Variants in FRMD5 observed in about 807,000 individuals in gnomAD.
FRMD5 encodes the protein FERM domain containing 5, also known as FERM domain-containing protein 5.
Under a neutral mutation model 69.0 loss-of-function variants are expected in FRMD5, and 20 were observed. That is an observed-to-expected ratio of 0.29 (90% CI 0.20 to 0.42). The LOEUF (loss-of-function observed/expected upper bound fraction) is 0.42, where lower values mean the gene tolerates loss of function less well. Among genes scored for constraint, FRMD5 ranks in the 10% least tolerant of loss-of-function variants. FRMD5 has a pLI of 1.00. For synonymous variants in FRMD5, 271 were observed against 260.1 expected (o/e 1.04, Z -0.40); for missense variants, 595 against 708.6 (o/e 0.84, Z 1.82).
At chr15:43,953,733 A>T (rs2929282) in intron 1 of FRMD5, among the ~76,000 whole-genome samples, 19,458 of 152,170 alleles carry the variant, frequency 0.13, 2,373 homozygotes, top group African/African-American at 0.32. Context: ...TCCACAAGGT[A>T]CTTGTCATCT....
chr15:43,986,923 A>G (rs563213603), intron 1 of FRMD5, among the ~76,000 whole-genome samples: 2 of 152,124 alleles, frequency 1.3e-5, no homozygotes, highest in Admixed American at 6.5e-5. Flanking sequence ...TTCTTGCAAT[A>G]TTTCAAACTT....
At chr15:43,883,675 G>A (rs371513543) in intron 13 of FRMD5, 28 bp downstream of exon 13, 176 of 1,524,700 alleles carry the variant, frequency 1.2e-4, no homozygotes, top group Non-Finnish European at 1.5e-4. Flanking sequence ...GAGGACCCCA[G>A]TGGTCACCTC....
intron 1 of FRMD5, among the ~76,000 whole-genome samples, chr15:43,972,491 C>T (rs1457303646): frequency 6.6e-6 from 1 of 151,938 alleles, no homozygotes. Flanking sequence ...GATAAGAAAA[C>T]CTTTCTATAT....
At chr15:43,950,076 G>T (rs116163927) in intron 1 of FRMD5, among the ~76,000 whole-genome samples, 6 of 152,334 alleles carry the variant, frequency 3.9e-5, no homozygotes, top group African/African-American at 1.4e-4. Flanking sequence ...GCTAGAGGTT[G>T]TCCTACACTG....
chr15:44,171,058 C>T (rs1426411211), intron 1 of FRMD5, among the ~76,000 whole-genome samples: 2 of 151,928 alleles, frequency 1.3e-5, no homozygotes, highest in Non-Finnish European at 2.9e-5. Context: ...TCTAAAATAT[C>T]CATAGCTTGG....
intron 1 of FRMD5, among the ~76,000 whole-genome samples, chr15:44,153,982 G>C (rs1001317877): frequency 9.9e-5 from 15 of 151,956 alleles, no homozygotes; most frequent in African/African-American, 2.4e-5. Context: ...AAATGGCTAA[G>C]ATGGTAAATT....
rs185236595 is a variant in FRMD5 at position 44,030,432 on chromosome 15, T to C, written c.103-106123A>G. ...ATAATGTACAACTGAAAATACTTAG[T>C]GTTACTGACAAGATTTATAATTCAG... On this transcript the variant is annotated intron_variant, in intron 1 of 13. Transcript: ENST00000417257. Among the ~76,000 whole-genome samples the C allele has an allele frequency of 3.4e-3, 519 of 152,266 alleles. 1 individual carries two copies. Among genetic ancestry groups the C allele is most frequent in the African/African-American group, 0.01 (435 of 41,524 alleles).
chr15:44,195,038 A>T lies in FRMD5; in HGVS notation c.17T>A (p.Met6Lys). 6.5e-7 allele frequency: 1 copy of T among 1,549,702 alleles called. No homozygotes were observed. Among genetic ancestry groups the T allele is most frequent in the East Asian group, 2.5e-5 (1 of 40,812 alleles). Residue 6 changes from methionine (M) to lysine (K), a missense_variant, in exon 1 of 14, where the codon ATG (methionine) becomes AAG (lysine). Transcript: ENST00000417257. MLSRL[M>K]SGSSRSLERE... The stretch of plus-strand genomic sequence containing the variant: ...CTCCAGGCTCCTGCTGCTGCCGCTC[A>T]TCAACCTGCTCAGCATCTTCCCGCC...
chr15:43,971,349 C>T (rs927450742), intron 1 of FRMD5, among the ~76,000 whole-genome samples: 4 of 152,066 alleles, frequency 2.6e-5, no homozygotes, highest in Non-Finnish European at 4.4e-5. Context: ...AAAAATAATA[C>T]TATCCATAAA....
intron 8 of FRMD5, among the ~76,000 whole-genome samples, chr15:43,891,491 G>A (rs1393537831): frequency 6.6e-6 from 1 of 152,228 alleles, no homozygotes; most frequent in African/African-American, 2.4e-5. Context: ...GGGAGGGCTG[G>A]TCTGAGGAGG....
At chr15:44,073,729 C>T (rs1893636555) in intron 1 of FRMD5, among the ~76,000 whole-genome samples, 1 of 152,150 alleles carries the variant, frequency 6.6e-6, no homozygotes, top group Admixed American at 6.5e-5. Context: ...CATTCCCTCT[C>T]CTGGGGCCAT....
chr15:43,874,120 T>G lies in FRMD5; in HGVS notation c.1478A>C (p.Gln493Pro). 6.2e-7 allele frequency: 1 copy of G among 1,614,228 alleles called. No homozygotes were observed. Among genetic ancestry groups the G allele is most frequent in the Admixed American group, 1.7e-5 (1 of 60,032 alleles). The change falls in exon 14 of 14, where the codon CAG (glutamine) becomes CCG (proline). Residue 493 changes from glutamine to proline, a missense_variant. Gln to Pro is a moderately conservative substitution (Grantham distance 76). Around this residue, in one of 5 missense-constraint regions of FRMD5, gnomAD observed 245 missense variants for 227.1 expected, o/e 1.08. Transcript: ENST00000417257. The stretch of plus-strand genomic sequence containing the variant: ...GACACTTAGAACAAACTTATTCACC[T>G]GTTCCTCCTCGGGCCCGCTGTGCCC... The part of the protein sequence containing the change: ...CQGHSGPEEE[Q>P]VNKFVLSVLR...
chr15:44,155,172 CACTGT>C (rs753537401), intron 1 of FRMD5, among the ~76,000 whole-genome samples: 13 of 152,074 alleles, frequency 8.5e-5, no homozygotes, highest in Non-Finnish European at 1.9e-4. Context: ...CGGTGGCTCA[CACTGT>C]AATCCCAACA....
In FRMD5 at chr15:44,043,564, TA is replaced by T. The variant is rs372197293; in HGVS notation, c.103-119256del. Among the ~76,000 whole-genome samples, 73 of 152,224 alleles carry T rather than the reference TA, an allele frequency of 4.8e-4. 1 individual carries two copies. The East Asian group carries it at 0.014, about 29-fold the overall frequency. Reference sequence around the variant, plus strand: ...AGTAACAAAAACAGCATGGTACTGGTACCAAAACAGATATATAGACCAATGG... The same window carrying T: ...AGTAACAAAAACAGCATGGTACTGGTCCAAAACAGATATATAGACCAATGG... On this transcript the variant is annotated intron_variant, in intron 1 of 13. Coordinates refer to ENST00000417257, the MANE Select transcript of FRMD5 (RefSeq NM_032892.5).
intron 1 of FRMD5, among the ~76,000 whole-genome samples, chr15:44,081,366 A>G (rs993533752): frequency 2.6e-5 from 4 of 152,144 alleles, no homozygotes; most frequent in Admixed American, 6.6e-5. Context: ...TCTATGTGTT[A>G]CCACAAAGTT....
chr15:44,189,706 G>C (rs1184300468), intron 1 of FRMD5, among the ~76,000 whole-genome samples: 5 of 151,930 alleles, frequency 3.3e-5, no homozygotes, highest in Non-Finnish European at 7.4e-5. Flanking sequence ...TGACCAGGCT[G>C]GTCTCAAACT....
Position 43,873,549 on chromosome 15 carries a change from ATTT to A in FRMD5, c.*333_*335del. The A allele has an allele frequency of 7.2e-7, 1 of 1,385,630 alleles. No homozygotes were observed. The highest frequency in any genetic ancestry group is 9.4e-7 in the Non-Finnish European group (1 of 1,067,366). The allele number at this position is 1,385,630 out of a possible 1,614,324, so 85.8% of individuals were successfully genotyped here. A position where few individuals can be genotyped will look rare whatever the true frequency, so the allele number is the denominator to read the frequency against. On this transcript the variant is annotated 3_prime_UTR_variant, in exon 14 of 14. Coordinates refer to ENST00000417257, the MANE Select transcript of FRMD5 (RefSeq NM_032892.5). ...ATAATCAGTAATAGTAAAATAAATTATTTTTATTTGATACTTCAAAATAATATA... is the reference window on the plus strand; with the variant it reads ...ATAATCAGTAATAGTAAAATAAATTATTATTTGATACTTCAAAATAATATA...
At chr15:43,956,324 T>G (rs1192298069) in intron 1 of FRMD5, among the ~76,000 whole-genome samples, 1 of 152,186 alleles carries the variant, frequency 6.6e-6, no homozygotes, top group Non-Finnish European at 1.5e-5. Context: ...TCCCTAAGTC[T>G]CCTCAAGTAT....
intron 4 of FRMD5, among the ~76,000 whole-genome samples, chr15:43,914,743 T>TTTTTTTTTTTTTTTTTTTTTTTG (rs2089353600): frequency 6.9e-6 from 1 of 145,744 alleles, no homozygotes; most frequent in Non-Finnish European, 1.5e-5. Flanking sequence ...TTTTTTTTTT[T>TTTTTTTTTTTTTTTTTTTTTTTG]TGAGATGGAG....
Sources: gnomAD v4.1 joint callset for allele counts (sites outside exome capture counted in the v4.1 genomes callset) on GRCh38, gnomAD v4.1.1 for gene constraint, gnomAD v4.1.1 regional missense constraint, MANE v1.5 for transcripts, NCBI Gene and HGNC (gene_info 2026-07-23, HGNC 2026-07-21) for gene names.